ZBTB20: variants seen among roughly 807,000 people sequenced by gnomAD.
ZBTB20 encodes the protein zinc finger and BTB domain-containing protein 20.
In ZBTB20, 9 loss-of-function variants were observed where a neutral mutation model predicts 56.9. The ratio of observed to expected loss-of-function variants is 0.16; its 90% CI spans 0.10 to 0.28. The LOEUF is 0.28. ZBTB20 is among the 10% of genes least tolerant of loss of function. The pLI, the probability that ZBTB20 is intolerant of heterozygous loss-of-function variation, is 1.00. For synonymous variants in ZBTB20, 417 were observed against 420.7 expected (o/e 0.99, Z 0.11); for missense variants, 655 against 1,003.0 (o/e 0.65, Z 4.69).
intron 5 of ZBTB20, among the ~76,000 whole-genome samples, chr3:114,723,404 A>T (rs2065050891): frequency 6.6e-6 from 1 of 152,200 alleles, no homozygotes; most frequent in Non-Finnish European, 1.5e-5. Context: ...CAGAGGCTCA[A>T]AGGTTCTACT....
At chr3:115,030,387 C>T (rs945258803) in intron 2 of ZBTB20, among the ~76,000 whole-genome samples, 2 of 151,110 alleles carry the variant, frequency 1.3e-5, no homozygotes, top group African/African-American at 4.8e-5. Context: ...CAAATTAATG[C>T]TATTTAATAT....
Position 115,137,956 on chromosome 3 carries a change from G to A in ZBTB20, c.-703+9263C>T, listed in dbSNP as rs149864466. Among the ~76,000 whole-genome samples, 485 of 152,078 alleles carry A rather than the reference G, an allele frequency of 3.2e-3. 2 individuals are homozygous for A. The highest frequency in any genetic ancestry group is 0.011 in the African/African-American group (452 of 41,520). ...TTAGGACTGATGATCATGTTTTTGT[G>A]CCAAAAGCATAGCAGTCTTTGTTTT... is the stretch of plus-strand genomic sequence containing the variant. On this transcript the variant is annotated intron_variant, in intron 1 of 11. Coordinates refer to ENST00000675478, the MANE Select transcript of ZBTB20 (RefSeq NM_001348800.3).
chr3:114,614,116 T>C (rs10511335), intron 6 of ZBTB20, among the ~76,000 whole-genome samples: 14,278 of 152,224 alleles, frequency 0.094, 773 homozygotes, highest in African/African-American at 0.14. Flanking sequence ...ACTGCCTAAA[T>C]TCAGGTAACC....
chr3:115,067,109 T>C (rs1000241892), intron 2 of ZBTB20, among the ~76,000 whole-genome samples: 15 of 152,070 alleles, frequency 9.9e-5, no homozygotes, highest in African/African-American at 3.4e-4. Flanking sequence ...CACATTATTA[T>C]AGTAAGGGCC....
At chr3:115,068,309 G>A (rs2082281997) in intron 2 of ZBTB20, among the ~76,000 whole-genome samples, 1 of 151,916 alleles carries the variant, frequency 6.6e-6, no homozygotes, top group African/African-American at 2.4e-5. Flanking sequence ...TATGGAAATG[G>A]TATACCTAAA....
At chr3:115,036,704 C>A (rs1310350178) in intron 2 of ZBTB20, among the ~76,000 whole-genome samples, 1 of 152,120 alleles carries the variant, frequency 6.6e-6, no homozygotes, top group Non-Finnish European at 1.5e-5. Context: ...TGCACCGCAG[C>A]GCCCGGCCAC....
intron 5 of ZBTB20, among the ~76,000 whole-genome samples, chr3:114,696,554 T>C (rs1011684981): frequency 6.6e-6 from 1 of 152,024 alleles, no homozygotes; most frequent in Non-Finnish European, 1.5e-5. Context: ...TATGACCGCT[T>C]GAGAGGCAGA....
chr3:114,970,753 C>T (rs1017520683), intron 3 of ZBTB20, among the ~76,000 whole-genome samples: 14 of 152,152 alleles, frequency 9.2e-5, no homozygotes, highest in African/African-American at 3.4e-4. Flanking sequence ...CGGTGGCTCA[C>T]GCCTGTAATC....
chr3:114,710,644 A>G (rs1247096421), intron 5 of ZBTB20, among the ~76,000 whole-genome samples: 1 of 152,004 alleles, frequency 6.6e-6, no homozygotes, highest in Non-Finnish European at 1.5e-5. Flanking sequence ...CCCTACCTTC[A>G]AGTTATGCAG....
intron 11 of ZBTB20, among the ~76,000 whole-genome samples, chr3:114,348,395 AC>A (rs1179894597): frequency 6.6e-6 from 1 of 152,236 alleles, no homozygotes; most frequent in Non-Finnish European, 1.5e-5. Context: ...CAAAATAAAA[AC>A]ATTACTATTT....
chr3:114,707,714 T>C (rs955117177), intron 5 of ZBTB20, among the ~76,000 whole-genome samples: 2 of 152,196 alleles, frequency 1.3e-5, no homozygotes. Context: ...GTCTACAACT[T>C]ATCCCTATTT....
At chr3:114,986,652 C>T (rs901239694) in intron 2 of ZBTB20, among the ~76,000 whole-genome samples, 1 of 152,070 alleles carries the variant, frequency 6.6e-6, no homozygotes, top group Non-Finnish European at 1.5e-5. Context: ...TTGGAATATA[C>T]CTTTATCCAA....
chr3:114,882,497 T>C (rs1344465397), intron 4 of ZBTB20, among the ~76,000 whole-genome samples: 3 of 152,074 alleles, frequency 2.0e-5, no homozygotes, highest in African/African-American at 4.8e-5. Context: ...GTAATATTTT[T>C]AAACAGCGAA....
chr3:114,427,486 C>T (rs1265524989), intron 7 of ZBTB20, among the ~76,000 whole-genome samples: 3 of 152,192 alleles, frequency 2.0e-5, no homozygotes, highest in Admixed American at 6.5e-5. Flanking sequence ...GTGAGCCCCT[C>T]GATCATTACT....
At chr3:114,408,689 T>C (rs957547444) in intron 7 of ZBTB20, among the ~76,000 whole-genome samples, 9 of 152,192 alleles carry the variant, frequency 5.9e-5, no homozygotes, top group Non-Finnish European at 1.2e-4. Context: ...CACAAATCAA[T>C]GCTACAGAAC....
intron 3 of ZBTB20, among the ~76,000 whole-genome samples, chr3:114,942,350 A>C (rs2107858031): frequency 6.8e-6 from 1 of 146,206 alleles, no homozygotes; most frequent in South Asian, 2.1e-4. Flanking sequence ...AGATTAATCA[A>C]TTTATACAAG....
At chr3:114,917,235 C>T (rs1291619411) in intron 3 of ZBTB20, among the ~76,000 whole-genome samples, 2 of 152,270 alleles carry the variant, frequency 1.3e-5, no homozygotes, top group African/African-American at 4.8e-5. Context: ...TTGTGTCAAT[C>T]TATTTGTTAA....
intron 7 of ZBTB20, among the ~76,000 whole-genome samples, chr3:114,426,308 T>C (rs960761274): frequency 7.3e-6 from 1 of 137,636 alleles, no homozygotes; most frequent in East Asian, 2.1e-4. Flanking sequence ...ACTGCACTCC[T>C]GCCTGGGTGA....
intron 5 of ZBTB20, among the ~76,000 whole-genome samples, chr3:114,736,886 C>G (rs1364469371): frequency 6.6e-6 from 1 of 152,092 alleles, no homozygotes; most frequent in South Asian, 2.1e-4. Context: ...TTGGATAAGA[C>G]AGCAATACTG....
Sources: allele counts gnomAD v4.1 joint callset (sites outside exome capture counted in the v4.1 genomes callset), GRCh38; gene constraint gnomAD v4.1.1; transcripts MANE v1.5; gene names NCBI Gene and HGNC (gene_info 2026-07-23, HGNC 2026-07-21).